Variants in ADORA2A observed in about 807,000 individuals in gnomAD.
ADORA2A encodes adenosine receptor A2a.
ADORA2A carries 11 observed loss-of-function variants against 18.4 expected under a neutral mutation model. That is an observed-to-expected ratio of 0.60 (90% CI 0.38 to 0.99). The LOEUF (loss-of-function observed/expected upper bound fraction) is 0.99, where lower values mean the gene tolerates loss of function less well. ADORA2A is among the 50% of genes least tolerant of loss of function. The pLI, the probability that ADORA2A is intolerant of heterozygous loss-of-function variation, is 0.01. For synonymous variants in ADORA2A, 218 were observed against 237.3 expected (o/e 0.92, Z 0.75); for missense variants, 449 against 556.1 (o/e 0.81, Z 1.94).
rs1601427376 is a variant in ADORA2A, at chr22:24,441,859, A to G, written c.*370A>G. 5.1e-6 allele frequency: 1 copy of G among 197,738 alleles called. No individual in the cohort carries two copies. The allele number at this position is 197,738 out of a possible 1,614,324, so 12.2% of individuals were successfully genotyped here. A position where few individuals can be genotyped will look rare whatever the true frequency, so the allele number is the denominator to read the frequency against. ...GGCCCTGAGACTGGGGAGTGGCTCC[A>G]ACAGCCTCCTGCCACCCACACACCA... On this transcript the variant is annotated 3_prime_UTR_variant, in exon 3 of 3. Coordinates refer to ENST00000337539, the MANE Select transcript of ADORA2A (RefSeq NM_000675.6).
rs777455392 is a variant in ADORA2A at position 24,441,114 on chromosome 22, C to T, written c.864C>T (p.Tyr288=). The T allele has an allele frequency of 2.4e-5, 38 of 1,614,030 alleles. No homozygotes were observed. The highest frequency in any genetic ancestry group is 1.6e-4 in the Middle Eastern group (1 of 6,084). Residue 288 remains tyrosine, a synonymous_variant, in exon 3 of 3, where the codon TAC becomes TAT. Transcript: ENST00000337539. ...HTNSVVNPFI[Y]AYRIREFRQT... Reference sequence around the variant, plus strand: ...ATTCGGTTGTGAATCCCTTCATCTACGCCTACCGTATCCGCGAGTTCCGCC... The same window carrying T: ...ATTCGGTTGTGAATCCCTTCATCTATGCCTACCGTATCCGCGAGTTCCGCC...
rs999690973 is a variant in ADORA2A, at chr22:24,441,009, C to T, written c.759C>T (p.Asn253=). The change falls in exon 3 of 3, where the codon AAC becomes AAT. Residue 253 remains asparagine (N), a synonymous_variant. Transcript: ENST00000337539. ...GCTGGCTGCCCCTACACATCATCAA[C>T]TGCTTCACTTTCTTCTGCCCCGACT... ...ALCWLPLHII[N]CFTFFCPDCS... is the part of the protein sequence containing the mutation. The T allele has an allele frequency of 6.2e-7, 1 of 1,614,246 alleles. No homozygotes were observed. Among genetic ancestry groups the T allele is most frequent in the South Asian group, 1.1e-5 (1 of 91,088 alleles).
chr22:24,433,951 C>T (rs2043111596), intron 2 of ADORA2A, among the ~76,000 whole-genome samples: 1 of 152,278 alleles, frequency 6.6e-6, no homozygotes, highest in African/African-American at 2.4e-5. Context: ...GCAGGGCAGC[C>T]TGGCCCTCCC....
chr22:24,441,209 G>C lies in ADORA2A; in HGVS notation c.959G>C (p.Ser320Thr). The stretch of plus-strand genomic sequence containing the variant: ...GAACCTTTCAAGGCAGCTGGCACCA[G>C]TGCCCGGGTCTTGGCAGCTCATGGC... ...QQEPFKAAGT[S>T]ARVLAAHGSD... The change falls in exon 3 of 3, where the codon AGT becomes ACT. Residue 320 changes from serine to threonine, a missense_variant. Physicochemically the swap from Ser to Thr is moderately conservative, Grantham distance 58. Coordinates refer to ENST00000337539, the MANE Select transcript of ADORA2A (RefSeq NM_000675.6). The C allele has an allele frequency of 6.2e-7, 1 of 1,614,094 alleles. No individual in the cohort carries two copies. The highest frequency in any genetic ancestry group is 8.5e-7 in the Non-Finnish European group (1 of 1,180,048).
Position 24,433,268 on chromosome 22 carries a change from C to T in ADORA2A, c.-137C>T. Reference sequence around the variant, plus strand: ...GCCCCAGCAGGGCTGCACTTGGCTCCTGTGAGGAAGGGGCTCAGGGGTCTG... The same window carrying T: ...GCCCCAGCAGGGCTGCACTTGGCTCTTGTGAGGAAGGGGCTCAGGGGTCTG... On this transcript the variant is annotated 5_prime_UTR_variant, in exon 2 of 3. Coordinates refer to ENST00000337539, the MANE Select transcript of ADORA2A (RefSeq NM_000675.6). 3 of 813,606 alleles carry T rather than the reference C, an allele frequency of 3.7e-6. No individual in the cohort carries two copies. The highest frequency in any genetic ancestry group is 5.7e-6 in the Non-Finnish European group (3 of 528,990). The allele number at this position is 813,606 out of a possible 1,614,324, so 50.4% of individuals were successfully genotyped here. A position where few individuals can be genotyped will look rare whatever the true frequency, so the allele number is the denominator to read the frequency against.
intron 2 of ADORA2A, among the ~76,000 whole-genome samples, chr22:24,436,662 G>A (rs1441396803): frequency 2.0e-5 from 3 of 152,284 alleles, no homozygotes; most frequent in African/African-American, 4.8e-5. Flanking sequence ...GGATGTTCTC[G>A]CTGGTTTGAG....
intron 2 of ADORA2A, chr22:24,439,541 T>A (rs2043279955): frequency 6.6e-6 from 1 of 151,962 alleles, no homozygotes; most frequent in South Asian, 2.1e-4. Context: ...TAGAGGGGAG[T>A]GTAGTCTGGT....
At chr22:24,433,822 C>T (rs2043107897) in intron 2 of ADORA2A, 86 bp downstream of exon 2, 1 of 1,439,370 alleles carries the variant, frequency 6.9e-7, no homozygotes, top group Non-Finnish European at 9.4e-7. Flanking sequence ...AGCCTGGGAT[C>T]AGGGCCTGGT....
chr22:24,440,674 G>C lies in ADORA2A; in HGVS notation c.424G>C (p.Gly142Arg). The C allele has an allele frequency of 6.2e-7, 1 of 1,613,062 alleles. No homozygotes were observed. The highest frequency in any genetic ancestry group is 2.2e-5 in the East Asian group (1 of 44,838). ...SFAIGLTPML[G>R]WNNCGQPKEG... is the part of the protein sequence containing the mutation. ...TGCCATCGGCCTGACTCCCATGCTA[G>C]GTTGGAACAACTGCGGTCAGCCAAA... is the stretch of plus-strand genomic sequence containing the variant. The change falls in exon 3 of 3, where the codon GGT (glycine) becomes CGT (arginine). Residue 142 changes from glycine (G) to arginine (R), a missense_variant. By Grantham distance (125) the Gly-to-Arg change is moderately radical (BLOSUM62 -2). Transcript: ENST00000337539.
chr22:24,425,541 C>T (rs2042909622), upstream of ADORA2A, among the ~76,000 whole-genome samples: 1 of 152,220 alleles, frequency 6.6e-6, no homozygotes, highest in Middle Eastern at 3.2e-3. Context: ...GCTGAGCTGG[C>T]TGAGCTGTGA....
intron 1 of ADORA2A, among the ~76,000 whole-genome samples, chr22:24,430,729 T>G (rs1334850662): frequency 6.6e-6 from 1 of 152,270 alleles, no homozygotes; most frequent in East Asian, 1.9e-4. Flanking sequence ...CCCTTGAATC[T>G]GGAGCGTGGT....
rs145970572 is a variant in ADORA2A at position 24,441,129 on chromosome 22, C to T, written c.879C>T (p.Arg293=). The part of the protein sequence containing the change: ...VNPFIYAYRI[R]EFRQTFRKII... Reference sequence around the variant, plus strand: ...CCTTCATCTACGCCTACCGTATCCGCGAGTTCCGCCAGACCTTCCGCAAGA... The same window carrying T: ...CCTTCATCTACGCCTACCGTATCCGTGAGTTCCGCCAGACCTTCCGCAAGA... The change falls in exon 3 of 3, where the codon CGC becomes CGT. Residue 293 remains arginine (R), a synonymous_variant. Coordinates refer to ENST00000337539, the MANE Select transcript of ADORA2A (RefSeq NM_000675.6). The T allele has an allele frequency of 1.6e-5, 26 of 1,614,044 alleles. No individual in the cohort carries two copies. Among genetic ancestry groups the T allele is most frequent in the South Asian group, 1.5e-4 (14 of 91,094 alleles).
At chr22:24,434,493 T>C (rs1312475845) in intron 2 of ADORA2A, among the ~76,000 whole-genome samples, 3 of 152,244 alleles carry the variant, frequency 2.0e-5, no homozygotes, top group South Asian at 2.1e-4. Flanking sequence ...GGATTCCACC[T>C]ACCCAGGCCA....
upstream of ADORA2A, among the ~76,000 whole-genome samples, chr22:24,425,675 CTG>C (rs1401507514): frequency 1.3e-5 from 2 of 152,230 alleles, no homozygotes; most frequent in East Asian, 3.9e-4. Flanking sequence ...CCATATCAGT[CTG>C]TGAATTACAG....
intron 1 of ADORA2A, chr22:24,429,838 G>A (rs1353432834): frequency 6.6e-6 from 1 of 152,324 alleles, no homozygotes; most frequent in Non-Finnish European, 1.5e-5. Flanking sequence ...CCTCTAGGCA[G>A]GTGCCCCCTG....
rs2042933480 is a variant in ADORA2A, at chr22:24,427,653, C to T, written c.-368C>T. The T allele has an allele frequency of 6.6e-6, 1 of 152,454 alleles. No individual in the cohort carries two copies. The highest frequency in any genetic ancestry group is 2.1e-4 in the South Asian group (1 of 4,840). 9.4% of individuals were successfully genotyped at this position (152,454 alleles called of 1,614,324 possible). ...ACATGGAGCAGGAGCCGCCCCCAGC[C>T]AAGCTGCTTTCAGCACAGCGTGGGC... is the stretch of plus-strand genomic sequence containing the variant. On this transcript the variant is annotated 5_prime_UTR_variant, in exon 1 of 3. Coordinates refer to ENST00000337539, the MANE Select transcript of ADORA2A (RefSeq NM_000675.6).
intron 2 of ADORA2A, among the ~76,000 whole-genome samples, chr22:24,434,100 G>T (rs567160308): frequency 6.4e-4 from 97 of 152,332 alleles, no homozygotes; most frequent in South Asian, 1.7e-3. Flanking sequence ...GGGTGTGTCT[G>T]GGCCATTCCT....
chr22:24,433,794 G>T (rs1568947193), intron 2 of ADORA2A, 58 bp downstream of exon 2: 1 of 1,533,672 alleles, frequency 6.5e-7, no homozygotes, highest in Admixed American at 1.8e-5. Flanking sequence ...GCTTTGGTCT[G>T]TGCCCGGAGC....
intron 2 of ADORA2A, among the ~76,000 whole-genome samples, chr22:24,436,720 T>TAACA (rs1018974044): frequency 6.6e-6 from 1 of 152,164 alleles, no homozygotes; most frequent in African/African-American, 2.4e-5. Flanking sequence ...CCCGAAGTCC[T>TAACA]AACACTTCTA....
Sources: gnomAD v4.1 joint callset for allele counts (sites outside exome capture counted in the v4.1 genomes callset) on GRCh38, gnomAD v4.1.1 for gene constraint, MANE v1.5 for transcripts, NCBI Gene and HGNC (gene_info 2026-07-23, HGNC 2026-07-21) for gene names.